The following ADAMTSL3 variants were observed in gnomAD, a reference collection of about 807,000 sequenced individuals.
The protein encoded by ADAMTSL3 is ADAMTS-like protein 3.
ADAMTSL3 carries 128 observed loss-of-function variants against 201.7 expected under a neutral mutation model. That is an observed-to-expected ratio of 0.63 (90% CI 0.55 to 0.73). ADAMTSL3 has a LOEUF of 0.73. Among genes scored for constraint, ADAMTSL3 ranks in the 30% least tolerant of loss-of-function variants. The pLI, the probability that ADAMTSL3 is intolerant of heterozygous loss-of-function variation, is 0.00. For missense variants in ADAMTSL3, 1,990 were observed against 2,119.6 expected, an observed-to-expected ratio of 0.94 and a Z score of 1.20; for synonymous variants, 738 against 748.4, an observed-to-expected ratio of 0.99 and a Z score of 0.23.
At chr15:83,839,260 G>C (rs1469189090) in intron 7 of ADAMTSL3, among the ~76,000 whole-genome samples, 5 of 152,102 alleles carry the variant, frequency 3.3e-5, no homozygotes, top group Admixed American at 3.3e-4. Flanking sequence ...TTCCCAAATG[G>C]GGAAAGCATT....
chr15:84,037,492 G>T (rs183230803), intron 29 of ADAMTSL3, among the ~76,000 whole-genome samples: 42 of 152,240 alleles, frequency 2.8e-4, no homozygotes, highest in Admixed American at 1.4e-3. Context: ...GGACTGGGAG[G>T]GTCCAGAGAG....
intron 2 of ADAMTSL3, among the ~76,000 whole-genome samples, chr15:83,664,218 C>G (rs2061216952): frequency 6.6e-6 from 1 of 152,062 alleles, no homozygotes; most frequent in African/African-American, 2.4e-5. Flanking sequence ...AAAATAAACA[C>G]AATCTTCATA....
At chr15:83,715,372 C>T (rs2062002943) in intron 3 of ADAMTSL3, among the ~76,000 whole-genome samples, 1 of 152,222 alleles carries the variant, frequency 6.6e-6, no homozygotes, top group Non-Finnish European at 1.5e-5. Context: ...TACATGGCTA[C>T]ATACATGAAT....
chr15:83,980,294 T>C (rs2067363107), intron 20 of ADAMTSL3, among the ~76,000 whole-genome samples: 2 of 152,192 alleles, frequency 1.3e-5, no homozygotes, highest in African/African-American at 4.8e-5. Flanking sequence ...CTTCGTACCA[T>C]AGTAGGCCTC....
In ADAMTSL3 at chr15:83,673,536, T is replaced by G. The variant is rs547887118; in HGVS notation, c.69+17706T>G. On this transcript the variant is annotated intron_variant, in intron 2 of 29. Coordinates refer to ENST00000286744, the MANE Select transcript of ADAMTSL3 (RefSeq NM_207517.3). The stretch of plus-strand genomic sequence containing the variant: ...CTCATGCCCTTCCCAGGACACAGAG[T>G]GCATTGAGTAAGCCTTGGCTCCCAA... 2.0e-5 allele frequency among the ~76,000 whole-genome samples: 3 copies of G among 152,174 alleles called. No homozygotes were observed. The East Asian group carries it at 5.8e-4, about 29-fold the overall frequency.
intron 19 of ADAMTSL3, among the ~76,000 whole-genome samples, chr15:83,949,861 A>AT (rs923732372): frequency 2.9e-4 from 44 of 150,922 alleles, no homozygotes; most frequent in African/African-American, 5.8e-4. Flanking sequence ...GGATTATTAG[A>AT]TTTTTTTTTC....
At chr15:83,895,496 C>CAAG (rs1337810115) in intron 13 of ADAMTSL3, among the ~76,000 whole-genome samples, 1 of 152,182 alleles carries the variant, frequency 6.6e-6, no homozygotes, top group Non-Finnish European at 1.5e-5. Context: ...CACCATACTT[C>CAAG]ACCCTTAATA....
intron 2 of ADAMTSL3, among the ~76,000 whole-genome samples, chr15:83,691,392 C>A (rs756004580): frequency 4.6e-5 from 7 of 152,140 alleles, no homozygotes; most frequent in African/African-American, 9.7e-5. Context: ...CCTGAAAGGT[C>A]GTGTCAGGAG....
At chr15:83,761,470 TG>T (rs1454498921) in intron 3 of ADAMTSL3, among the ~76,000 whole-genome samples, 5 of 152,332 alleles carry the variant, frequency 3.3e-5, no homozygotes, top group Non-Finnish European at 5.9e-5. Context: ...TCTTTAAGAC[TG>T]GTCTGCTGAA....
intron 15 of ADAMTSL3, among the ~76,000 whole-genome samples, chr15:83,907,115 AAGAG>A (rs34154270): frequency 3.2e-4 from 44 of 137,904 alleles, no homozygotes; most frequent in African/African-American, 1.1e-3. Context: ...AAAAAAAAAA[AAGAG>A]AGAGTCTATT....
chr15:83,946,304 T>A (rs1481928386), intron 19 of ADAMTSL3, among the ~76,000 whole-genome samples: 3 of 152,226 alleles, frequency 2.0e-5, no homozygotes, highest in African/African-American at 7.2e-5. Flanking sequence ...TGCGTATCAC[T>A]AAAGTAACAC....
intron 23 of ADAMTSL3, among the ~76,000 whole-genome samples, chr15:84,014,269 C>G (rs1339185110): frequency 6.6e-6 from 1 of 152,182 alleles, no homozygotes; most frequent in Non-Finnish European, 1.5e-5. Flanking sequence ...TCTCTCCCTT[C>G]CCAATACAGA....
intron 3 of ADAMTSL3, among the ~76,000 whole-genome samples, chr15:83,715,775 G>C (rs2062008684): frequency 6.6e-6 from 1 of 152,184 alleles, no homozygotes; most frequent in Non-Finnish European, 1.5e-5. Flanking sequence ...CAGGTTACCT[G>C]TCTTCCCTTA....
chr15:83,743,626 T>C (rs1208142215), intron 3 of ADAMTSL3, among the ~76,000 whole-genome samples: 5 of 152,170 alleles, frequency 3.3e-5, no homozygotes, highest in African/African-American at 1.2e-4. Flanking sequence ...AGTTTGACAT[T>C]TTTGACTGTC....
chr15:83,851,832 A>T (rs1209657879), intron 7 of ADAMTSL3, among the ~76,000 whole-genome samples: 1 of 152,166 alleles, frequency 6.6e-6, no homozygotes, highest in Non-Finnish European at 1.5e-5. Context: ...AAGTTTTTTA[A>T]ACTTACAAAA....
At position 83,666,647 on chromosome 15, in the gene ADAMTSL3, G is replaced by A. The variant is rs138449364; in HGVS notation, c.69+10817G>A. Among the ~76,000 whole-genome samples, 228 of 152,176 alleles carry A rather than the reference G, an allele frequency of 1.5e-3. 1 individual carries two copies. The highest frequency in any genetic ancestry group is 5.3e-3 in the African/African-American group (220 of 41,514). On this transcript the variant is annotated intron_variant, in intron 2 of 29. Transcript: ENST00000286744. ...GACTGCAGGAGTTCAAGACCAGTCT[G>A]CACAATATAGGGAGACCCCCATCCC... is the stretch of plus-strand genomic sequence containing the variant.
chr15:83,839,934 T>TAGG (rs1304599532), intron 7 of ADAMTSL3, among the ~76,000 whole-genome samples: 1 of 152,218 alleles, frequency 6.6e-6, no homozygotes, highest in African/African-American at 2.4e-5. Context: ...ATCTTTCTGA[T>TAGG]GCCTGCAAAC....
chr15:83,731,455 T>A (rs2062270023), intron 3 of ADAMTSL3, among the ~76,000 whole-genome samples: 1 of 152,030 alleles, frequency 6.6e-6, no homozygotes, highest in Non-Finnish European at 1.5e-5. Context: ...ATGCTGTTGG[T>A]GGGAATGTAA....
chr15:84,023,257 T>G, intron 26 of ADAMTSL3, among the ~76,000 whole-genome samples: 1 of 152,106 alleles, frequency 6.6e-6, no homozygotes, highest in Non-Finnish European at 1.5e-5. Context: ...AAATCCATAG[T>G]AAAAACAATT....
Sources: gnomAD v4.1 joint callset for allele counts (sites outside exome capture counted in the v4.1 genomes callset) on GRCh38, gnomAD v4.1.1 for gene constraint, MANE v1.5 for transcripts, NCBI Gene and HGNC (gene_info 2026-07-23, HGNC 2026-07-21) for gene names.